Variants in UMAD1 observed in about 807,000 individuals in gnomAD.
UMAD1 encodes the protein UBAP1-MVB12-associated (UMA) domain containing 1.
In UMAD1, 8 loss-of-function variants were observed where a neutral mutation model predicts 6.1. That is an observed-to-expected ratio of 1.30 (90% confidence interval 0.76 to 2.35). The LOEUF is 2.35. Ranked by LOEUF, UMAD1 falls within the 30% of genes most tolerant of loss-of-function variation. The probability of loss-of-function intolerance (pLI) is 0.00; values close to 1 mark genes in which losing one functional copy is unlikely to be tolerated. For synonymous variants in UMAD1, 56 were observed against 31.4 expected, an observed-to-expected ratio of 1.78 and a Z score of -2.61; for missense variants, 130 against 78.4, an observed-to-expected ratio of 1.66 and a Z score of -2.49.
rs192420906 is a variant in UMAD1 at position 7,855,817 on chromosome 7, T to C, written c.157-21464T>C. On this transcript the variant is annotated intron_variant, in intron 3 of 3. Coordinates refer to ENST00000682710, the MANE Select transcript of UMAD1 (RefSeq NM_001302348.2). ...ATCTGGATGCATATTTTTCAAACTT[T>C]ATGCTCTGCCACCTCTTGAATGCTT... is the stretch of plus-strand genomic sequence containing the variant. 5.4e-3 allele frequency among the ~76,000 whole-genome samples: 827 copies of C among 152,346 alleles called. 3 individuals are homozygous for C. The highest frequency in any genetic ancestry group is 0.014 in the Middle Eastern group (4 of 294).
chr7:7,752,534 T>G (rs1781698077), intron 2 of UMAD1, among the ~76,000 whole-genome samples: 1 of 152,094 alleles, frequency 6.6e-6, no homozygotes, highest in Non-Finnish European at 1.5e-5. Context: ...TTTATGAAAG[T>G]TTTCCCAAAT....
chr7:7,752,016 A>G (rs1781687098), intron 2 of UMAD1, among the ~76,000 whole-genome samples: 1 of 152,188 alleles, frequency 6.6e-6, no homozygotes, highest in Non-Finnish European at 1.5e-5. Context: ...ATATTTTGAA[A>G]CATTTCAATA....
Position 7,778,357 on chromosome 7 carries a change from C to T in UMAD1, c.83-23313C>T, listed in dbSNP as rs560583276. Among the ~76,000 whole-genome samples the T allele has an allele frequency of 2.2e-4, 33 of 151,550 alleles. No individual in the cohort carries two copies. The East Asian group carries it at 6.2e-3, about 28-fold the overall frequency. On this transcript the variant is annotated intron_variant, in intron 2 of 3. Coordinates refer to ENST00000682710, the MANE Select transcript of UMAD1 (RefSeq NM_001302348.2). ...ACTGATGAATATAGGTAAAGGTGAACAGTCTAGAGTGTTCATGGTACTGTT... is the reference window on the plus strand; with the variant it reads ...ACTGATGAATATAGGTAAAGGTGAATAGTCTAGAGTGTTCATGGTACTGTT...
chr7:7,843,094 G>A (rs1783713855), intron 3 of UMAD1, among the ~76,000 whole-genome samples: 1 of 152,194 alleles, frequency 6.6e-6, no homozygotes, highest in African/African-American at 2.4e-5. Context: ...TAAGAATCTA[G>A]TTAGTGAGTG....
intron 2 of UMAD1, among the ~76,000 whole-genome samples, chr7:7,720,689 G>A (rs1022115577): frequency 6.6e-6 from 1 of 152,008 alleles, no homozygotes; most frequent in Admixed American, 6.5e-5. Flanking sequence ...TTGTTTTTTT[G>A]TGTATTTTTA....
chr7:7,746,854 C>T (rs1195859293), intron 2 of UMAD1, among the ~76,000 whole-genome samples: 2 of 152,172 alleles, frequency 1.3e-5, no homozygotes, highest in African/African-American at 2.4e-5. Context: ...ACAGTTTACA[C>T]ATACAATCCT....
At chr7:7,664,690 C>T (rs1237543725) in intron 1 of UMAD1, among the ~76,000 whole-genome samples, 2 of 152,178 alleles carry the variant, frequency 1.3e-5, no homozygotes, top group Non-Finnish European at 2.9e-5. Context: ...CTAGTCTGCG[C>T]AGCCTACCAG....
chr7:7,641,470 A>T (rs1784972639), intron 1 of UMAD1: 1 of 151,966 alleles, frequency 6.6e-6, no homozygotes, highest in Admixed American at 6.6e-5. Flanking sequence ...GTCCCAGTTG[A>T]CTCTGACTTT....
chr7:7,792,450 A>G (rs1179468906), intron 2 of UMAD1, among the ~76,000 whole-genome samples: 2 of 152,238 alleles, frequency 1.3e-5, no homozygotes, highest in African/African-American at 4.8e-5. Context: ...TAGGAGGGGA[A>G]ACTAAACTGA....
intron 2 of UMAD1, among the ~76,000 whole-genome samples, chr7:7,717,685 G>A (rs1780952668): frequency 6.6e-6 from 1 of 152,062 alleles, no homozygotes; most frequent in Admixed American, 6.5e-5. Flanking sequence ...TGGAGTATTT[G>A]GAAAACTACT....
intron 3 of UMAD1, among the ~76,000 whole-genome samples, chr7:7,814,914 C>T (rs1783095262): frequency 6.6e-6 from 1 of 152,120 alleles, no homozygotes; most frequent in Admixed American, 6.5e-5. Flanking sequence ...CTTTCCAGGT[C>T]ATCAACCTTG....
intron 3 of UMAD1, among the ~76,000 whole-genome samples, chr7:7,817,274 G>C (rs1295188228): frequency 1.3e-5 from 2 of 152,174 alleles, no homozygotes; most frequent in Admixed American, 6.5e-5. Context: ...GACCAGGAGT[G>C]CCATGAAGTG....
At chr7:7,865,387 A>C (rs1396932850) in intron 3 of UMAD1, among the ~76,000 whole-genome samples, 2 of 152,156 alleles carry the variant, frequency 1.3e-5, no homozygotes, top group African/African-American at 4.8e-5. Flanking sequence ...GAAAAAGCCC[A>C]TGTGTTTAGT....
intron 2 of UMAD1, among the ~76,000 whole-genome samples, chr7:7,789,619 T>TCCCCC (rs200939941): frequency 2.7e-5 from 4 of 145,972 alleles, no homozygotes; most frequent in African/African-American, 1.1e-4. Flanking sequence ...ATACCCCTTC[T>TCCCCC]CCCCTCCCCA....
chr7:7,701,910 C>A (rs1030336519), intron 2 of UMAD1, among the ~76,000 whole-genome samples: 1 of 152,222 alleles, frequency 6.6e-6, no homozygotes. Flanking sequence ...TTTCTGCCAT[C>A]TCTCTGCCAT....
chr7:7,704,754 G>A (rs1270166269), intron 2 of UMAD1, among the ~76,000 whole-genome samples: 2 of 106,818 alleles, frequency 1.9e-5, no homozygotes, highest in Non-Finnish European at 3.4e-5. Flanking sequence ...GTGACAGAGC[G>A]AGACTCCATC....
At chr7:7,717,730 G>A (rs567565300) in intron 2 of UMAD1, among the ~76,000 whole-genome samples, 1 of 152,322 alleles carries the variant, frequency 6.6e-6, no homozygotes, top group African/African-American at 2.4e-5. Flanking sequence ...GTTTAACAAA[G>A]AAGTTAGTTT....
chr7:7,790,138 A>G (rs1397018195), intron 2 of UMAD1, among the ~76,000 whole-genome samples: 1 of 152,224 alleles, frequency 6.6e-6, no homozygotes, highest in African/African-American at 2.4e-5. Context: ...AGTGTTGTCC[A>G]TGTACCACTT....
At chr7:7,845,405 C>T (rs1783765063) in intron 3 of UMAD1, among the ~76,000 whole-genome samples, 1 of 152,058 alleles carries the variant, frequency 6.6e-6, no homozygotes, top group South Asian at 2.1e-4. Context: ...CAGGAAACCT[C>T]ATAGAATTTA....
Sources: allele counts gnomAD v4.1 joint callset (sites outside exome capture counted in the v4.1 genomes callset), GRCh38; gene constraint gnomAD v4.1.1; transcripts MANE v1.5; gene names NCBI Gene and HGNC (gene_info 2026-07-23, HGNC 2026-07-21).